The following DIP2C variants were observed in gnomAD, a reference collection of about 807,000 sequenced individuals.
The protein encoded by DIP2C is disco-interacting protein 2 homolog C.
Under a neutral mutation model 192.4 loss-of-function variants are expected in DIP2C, and 33 were observed. The observed-to-expected ratio is 0.17, with a 90% CI of 0.13 to 0.23. DIP2C has a LOEUF of 0.23. Among genes scored for constraint, DIP2C ranks in the 10% least tolerant of loss-of-function variants. DIP2C has a pLI of 1.00. For missense variants in DIP2C, 1,537 were observed against 2,110.1 expected (o/e 0.73, Z 5.32); for synonymous variants, 979 against 864.1 (o/e 1.13, Z -2.33).
At chr10:336,035 C>A (rs1280992170) in intron 29 of DIP2C, among the ~76,000 whole-genome samples, 1 of 152,068 alleles carries the variant, frequency 6.6e-6, no homozygotes, top group Non-Finnish European at 1.5e-5. Flanking sequence ...GTAGTTGGGA[C>A]CACAGGCGCA....
At chr10:421,725 A>G (rs1341319137) in intron 5 of DIP2C, among the ~76,000 whole-genome samples, 1 of 152,210 alleles carries the variant, frequency 6.6e-6, no homozygotes, top group African/African-American at 2.4e-5. Context: ...CAGTTCTGAG[A>G]GAGAAAAAAG....
intron 1 of DIP2C, among the ~76,000 whole-genome samples, chr10:577,138 A>G (rs2131558870): frequency 6.6e-6 from 1 of 152,336 alleles, no homozygotes; most frequent in East Asian, 1.9e-4. Context: ...ATAAATGAGT[A>G]AGTTCCAGTA....
At chr10:341,933 C>T (rs1170110736) in intron 28 of DIP2C, among the ~76,000 whole-genome samples, 1 of 152,104 alleles carries the variant, frequency 6.6e-6, no homozygotes, top group Non-Finnish European at 1.5e-5. Context: ...GATACCTGGC[C>T]CCAAAGGCCC....
intron 29 of DIP2C, 167 bp downstream of exon 29, chr10:341,032 G>T: frequency 1.0e-6 from 1 of 982,684 alleles, no homozygotes; most frequent in Non-Finnish European, 1.6e-6. Flanking sequence ...TGCTTTCCCC[G>T]AGAGCCAAGT....
intron 3 of DIP2C, among the ~76,000 whole-genome samples, chr10:448,349 C>CA (rs1447811511): frequency 1.0e-4 from 14 of 134,854 alleles, no homozygotes; most frequent in South Asian, 9.4e-4. Context: ...CACAGTGGGG[C>CA]AGCAGGACCC....
At chr10:443,934 A>C (rs1967942675) in intron 3 of DIP2C, among the ~76,000 whole-genome samples, 1 of 152,168 alleles carries the variant, frequency 6.6e-6, no homozygotes, top group African/African-American at 2.4e-5. Context: ...TTCAGATCTT[A>C]AGTACACTTG....
At chr10:469,449 T>C (rs1312214089) in intron 3 of DIP2C, among the ~76,000 whole-genome samples, 1 of 151,722 alleles carries the variant, frequency 6.6e-6, no homozygotes, top group African/African-American at 2.4e-5. Flanking sequence ...CTGGAATAGC[T>C]GGGATTACAG....
At chr10:479,984 A>AC (rs1335403855) in intron 2 of DIP2C, among the ~76,000 whole-genome samples, 3 of 138,280 alleles carry the variant, frequency 2.2e-5, no homozygotes, top group African/African-American at 8.4e-5. Flanking sequence ...GATGAGTCTC[A>AC]CCCGCCAGCC....
chr10:362,873 G>A lies in DIP2C; in HGVS notation c.2593-182C>T, dbSNP rs144400500. On this transcript the variant is annotated intron_variant, in intron 21 of 36. Coordinates refer to ENST00000280886, the MANE Select transcript of DIP2C (RefSeq NM_014974.3). ...ACTAAACTCACCAAAGCTGAATAAT[G>A]TTACCCAGGGCTTGTGGAAGACCAT... 5.2e-3 allele frequency among the ~76,000 whole-genome samples: 786 copies of A among 152,270 alleles called. 7 individuals are homozygous for A. The highest frequency in any genetic ancestry group is 0.017 in the African/African-American group (727 of 41,552).
chr10:360,313 G>A (rs1959304994), intron 22 of DIP2C, among the ~76,000 whole-genome samples: 1 of 152,140 alleles, frequency 6.6e-6, no homozygotes, highest in Non-Finnish European at 1.5e-5. Flanking sequence ...TTGAAGAGAG[G>A]TGGGCATGTC....
chr10:481,567 T>G (rs1843611412), intron 2 of DIP2C, among the ~76,000 whole-genome samples: 1 of 152,204 alleles, frequency 6.6e-6, no homozygotes, highest in Non-Finnish European at 1.5e-5. Context: ...CTGAGGTACA[T>G]GTTACCCTCT....
At chr10:590,195 AACG>A (rs1851317929) in intron 1 of DIP2C, among the ~76,000 whole-genome samples, 1 of 152,232 alleles carries the variant, frequency 6.6e-6, no homozygotes, top group Non-Finnish European at 1.5e-5. Context: ...TGCGTCCATG[AACG>A]ACGAGGCTCG....
In DIP2C at chr10:283,500, A is replaced by T. The variant is rs571037399; in HGVS notation, c.4120-54T>A. 383 of 1,592,652 alleles carry T rather than the reference A, an allele frequency of 2.4e-4. 1 individual carries two copies. The highest frequency in any genetic ancestry group is 2.0e-5 in the Non-Finnish European group (23 of 1,165,522). On this transcript the variant is annotated intron_variant, in intron 34 of 36. Coordinates refer to ENST00000280886, the MANE Select transcript of DIP2C (RefSeq NM_014974.3). ...ATGACATTATTTTATCTCCAGGGAA[A>T]TGAGACTACAACTACTTTGACAATT...
chr10:415,875 A>G lies in DIP2C; in HGVS notation c.753T>C (p.Ser251=). 5 of 1,613,752 alleles carry G rather than the reference A, an allele frequency of 3.1e-6. No homozygotes were observed. The highest frequency in any genetic ancestry group is 4.2e-6 in the Non-Finnish European group (5 of 1,179,962). ...GCTGGATTTTTGCTGACACCCGGCT[A>G]CTTACTGGTACTCCTGAAAAACAGG... The part of the protein sequence containing the change: ...LMETGDGVPV[S]SRVSAKIQQL... The change falls in exon 7 of 37, where the codon AGT becomes AGC. Residue 251 remains serine (S), a synonymous_variant. Transcript: ENST00000280886.
At chr10:670,183 C>G (rs956014854) in intron 1 of DIP2C, among the ~76,000 whole-genome samples, 2 of 152,230 alleles carry the variant, frequency 1.3e-5, no homozygotes, top group Middle Eastern at 3.4e-3. Flanking sequence ...AACATGTACA[C>G]GTGTGTACAT....
chr10:508,007 C>T (rs1845743769), intron 1 of DIP2C, among the ~76,000 whole-genome samples: 1 of 152,214 alleles, frequency 6.6e-6, no homozygotes, highest in Non-Finnish European at 1.5e-5. Flanking sequence ...GAGCTGCAAC[C>T]ACGTCTCTGT....
chr10:519,344 C>T (rs1338782638), intron 1 of DIP2C, among the ~76,000 whole-genome samples: 2 of 152,206 alleles, frequency 1.3e-5, no homozygotes, highest in African/African-American at 4.8e-5. Context: ...GAAAGACCCC[C>T]GGGGGCTGGA....
intron 17 of DIP2C, among the ~76,000 whole-genome samples, chr10:373,115 G>C (rs1490411620): frequency 6.6e-6 from 1 of 152,238 alleles, no homozygotes; most frequent in African/African-American, 2.4e-5. Context: ...GCAGGACTCA[G>C]ACCCAGAGCA....
Position 371,388 on chromosome 10 carries a change from T to C in DIP2C, c.1992-1755A>G, listed in dbSNP as rs115045266. Among the ~76,000 whole-genome samples, 786 of 152,280 alleles carry C rather than the reference T, an allele frequency of 5.2e-3. 3 individuals are homozygous for C. Among genetic ancestry groups the C allele is most frequent in the Middle Eastern group, 0.014 (4 of 294 alleles). ...GACTTACAACTTGATAAACCCATTG[T>C]AAAGGCGGAAATTGAAGTTGAGCCA... On this transcript the variant is annotated intron_variant, in intron 17 of 36. Transcript: ENST00000280886.
Sources: allele counts gnomAD v4.1 joint callset (sites outside exome capture counted in the v4.1 genomes callset), GRCh38; gene constraint gnomAD v4.1.1; transcripts MANE v1.5; gene names NCBI Gene and HGNC (gene_info 2026-07-23, HGNC 2026-07-21).